COL7A1: variants seen among roughly 807,000 people sequenced by gnomAD.
The protein encoded by COL7A1 is collagen alpha-1(VII) chain.
Under a neutral mutation model 456.2 loss-of-function variants are expected in COL7A1, and 296 were observed. The observed-to-expected ratio is 0.65, with a 90% CI of 0.59 to 0.71. COL7A1 has a LOEUF of 0.71. Ranked by LOEUF, COL7A1 falls within the 30% of genes least tolerant of loss-of-function variation. The pLI, the probability that COL7A1 is intolerant of heterozygous loss-of-function variation, is 0.00. For missense variants in COL7A1, 3,441 were observed against 4,017.2 expected (o/e 0.86, Z 3.88); for synonymous variants, 1,464 against 1,525.9 (o/e 0.96, Z 0.95).
Position 48,566,181 on chromosome 3 carries a change from G to A in COL7A1, c.8407+86C>T. The A allele has an allele frequency of 1.4e-6, 2 of 1,414,084 alleles. No individual in the cohort carries two copies. Among genetic ancestry groups the A allele is most frequent in the Non-Finnish European group, 2.0e-6 (2 of 1,021,762 alleles). The allele number at this position is 1,414,084 out of a possible 1,614,324, so 87.6% of individuals were successfully genotyped here. On this transcript the variant is annotated intron_variant, in intron 114 of 118. Coordinates refer to ENST00000681320, the MANE Select transcript of COL7A1 (RefSeq NM_000094.4). This position sits in a 1 kb window ranked among gnomAD's most constrained non-coding sequence, Gnocchi z 5.9. ...CATCCATCCCCCCATCTTCTTGACT[G>A]CTTGCCCTGTAAGTTCTAGGGGCCT... is the stretch of plus-strand genomic sequence containing the variant.
rs2043911299 is a variant in COL7A1 at position 48,571,428 on chromosome 3, C to G, written c.7069-150G>C. 2.2e-6 allele frequency: 2 copies of G among 903,330 alleles called. No homozygotes were observed. The highest frequency in any genetic ancestry group is 1.6e-5 in the African/African-American group (1 of 60,612). 56.0% of individuals were successfully genotyped at this position (903,330 alleles called of 1,614,324 possible). On this transcript the variant is annotated intron_variant, in intron 92 of 118. Transcript: ENST00000681320. This position sits in a 1 kb window ranked among gnomAD's most constrained non-coding sequence, Gnocchi z 4.6. ...GACCAAGAATTGGCTCACAGGAGCT[C>G]AGACATGACCATGGCCTATCTCAGG...
chr3:48,576,679 G>A lies in COL7A1; in HGVS notation c.5697C>T (p.Gly1899=), dbSNP rs745560737. 14 of 1,604,796 alleles carry A rather than the reference G, an allele frequency of 8.7e-6. No individual in the cohort carries two copies. Among genetic ancestry groups the A allele is most frequent in the Non-Finnish European group, 1.1e-5 (13 of 1,176,142 alleles). Residue 1899 remains glycine (G), a synonymous_variant, in exon 68 of 119, where the codon GGC becomes GGT. Transcript: ENST00000681320. ...PGLPGPVGPP[G]QGFPGVPGGT... ...CAGAATGACCCAGGACACTCACCTG[G>A]CCAGGAGGGCCCACTGGCCCTGGGA...
In COL7A1 at chr3:48,567,356, C is replaced by A; in HGVS notation, c.8047-166G>T. On this transcript the variant is annotated intron_variant, in intron 109 of 118. Transcript: ENST00000681320. This position sits in a 1 kb window ranked among gnomAD's most constrained non-coding sequence, Gnocchi z 4.3. ...CCATGACTCCAACTCCACTATAGCCCCCTGCCCTGATGCACATGCCCCCTC... is the reference window on the plus strand; with the variant it reads ...CCATGACTCCAACTCCACTATAGCCACCTGCCCTGATGCACATGCCCCCTC... The A allele has an allele frequency of 1.0e-6, 1 of 969,512 alleles. No homozygotes were observed. Among genetic ancestry groups the A allele is most frequent in the Non-Finnish European group, 1.6e-6 (1 of 628,462 alleles). The allele number at this position is 969,512 out of a possible 1,614,324, so 60.1% of individuals were successfully genotyped here. A position where few individuals can be genotyped will look rare whatever the true frequency, so the allele number is the denominator to read the frequency against.
rs1451465890 is a variant in COL7A1, at chr3:48,578,704, A to AC, written c.5425-190dup. Among the ~76,000 whole-genome samples, 8 of 152,192 alleles carry AC rather than the reference A, an allele frequency of 5.3e-5. No individual in the cohort carries two copies. The highest frequency in any genetic ancestry group is 1.2e-4 in the Non-Finnish European group (8 of 67,980). The stretch of plus-strand genomic sequence containing the variant: ...CCCTGCTGAGACTCCCAAGGGAAGA[A>AC]CCCCCAGGACTTGGAGGGCCTATGA... On this transcript the variant is annotated intron_variant, in intron 63 of 118. Coordinates refer to ENST00000681320, the MANE Select transcript of COL7A1 (RefSeq NM_000094.4). This position sits in a 1 kb window ranked among gnomAD's most constrained non-coding sequence, Gnocchi z 4.7.
At position 48,588,335 on chromosome 3, in the gene COL7A1, C is replaced by T. The variant is rs200424564; in HGVS notation, c.2657G>A (p.Arg886His). Residue 886 changes from arginine to histidine, a missense_variant, in exon 21 of 119, where the codon CGC becomes CAC. Arg to His is a conservative substitution (Grantham distance 29). This residue lies in a region of COL7A1 where 444 missense variants were observed against 427.6 expected (regional missense o/e 1.04). Coordinates refer to ENST00000681320, the MANE Select transcript of COL7A1 (RefSeq NM_000094.4). The surrounding 1 kb of genome is among the most constrained non-coding windows in gnomAD (Gnocchi z 4.6). ...CTGCGCTCTGGGCACCGGCTCCCAG[C>T]GCAGCCTCAGCGAGTGCTCCCCGCG... ...VQRGEHSLRL[R>H]WEPVPRAQGF... The T allele has an allele frequency of 4.2e-5, 67 of 1,612,826 alleles. No homozygotes were observed. The East Asian group carries it at 1.0e-3, about 25-fold the overall frequency.
chr3:48,591,546 C>T lies in COL7A1; in HGVS notation c.1554G>A (p.Glu518=). 6.2e-7 allele frequency: 1 copy of T among 1,613,906 alleles called. No individual in the cohort carries two copies. Among genetic ancestry groups the T allele is most frequent in the Non-Finnish European group, 8.5e-7 (1 of 1,179,994 alleles). Residue 518 remains glutamate (E), a synonymous_variant, in exon 13 of 119, where the codon GAG becomes GAA. Transcript: ENST00000681320. This position sits in a 1 kb window ranked among gnomAD's most constrained non-coding sequence, Gnocchi z 7.0. ...VSPVTDLQAT[E]LPGQRVRVSW... is the part of the protein sequence containing the mutation. ...ACACTCGCACCCGCTGCCCGGGCAG[C>T]TCGGTGGCTTGCAGGTCTGTTACAG...
rs2045893057 is a variant in COL7A1, at chr3:48,593,986, G to A, written c.267-290C>T. ...TTAATTAAATAATTGCAGGAGGAGG[G>A]GTCCAGATGTAGGAAAGTGGATGCT... On this transcript the variant is annotated intron_variant, in intron 3 of 118. Transcript: ENST00000681320. The surrounding 1 kb of genome is among the most constrained non-coding windows in gnomAD (Gnocchi z 4.4). 6.6e-6 allele frequency among the ~76,000 whole-genome samples: 1 copy of A among 152,214 alleles called. No homozygotes were observed. The highest frequency in any genetic ancestry group is 2.4e-5 in the African/African-American group (1 of 41,450).
In COL7A1 at chr3:48,584,571, A is replaced by T. The variant is rs367995901; in HGVS notation, c.4048-15T>A. On this transcript the variant is annotated splice_polypyrimidine_tract_variant and intron_variant, in intron 35 of 118. Coordinates refer to ENST00000681320, the MANE Select transcript of COL7A1 (RefSeq NM_000094.4). ...CCGGGAGCCCCCTGTAAGGACAGAG[A>T]GCAGTGGGCAGGATTCAGGCTATGG... 158 of 1,614,008 alleles carry T rather than the reference A, an allele frequency of 9.8e-5. 1 individual carries two copies. In the South Asian group the frequency reaches 1.5e-3, roughly 16 times the overall value.
At position 48,564,630 on chromosome 3, in the gene COL7A1, C is replaced by A; in HGVS notation, c.8818+153G>T. The A allele has an allele frequency of 9.4e-7, 1 of 1,065,106 alleles. No individual in the cohort carries two copies. The allele number at this position is 1,065,106 out of a possible 1,614,324, so 66.0% of individuals were successfully genotyped here. A position where few individuals can be genotyped will look rare whatever the true frequency, so the allele number is the denominator to read the frequency against. On this transcript the variant is annotated intron_variant, in intron 118 of 118. Transcript: ENST00000681320. This position sits in a 1 kb window ranked among gnomAD's most constrained non-coding sequence, Gnocchi z 6.0. ...CACGGCTGGGGCTCTATATTCAGCTCTTTGGTCTGGGCGTCTGCCCCAGGT... is the reference window on the plus strand; with the variant it reads ...CACGGCTGGGGCTCTATATTCAGCTATTTGGTCTGGGCGTCTGCCCCAGGT...
In COL7A1 at chr3:48,564,845, A is replaced by G. The variant is rs1177760993; in HGVS notation, c.8756T>C (p.Phe2919Ser). The change falls in exon 118 of 119, where the codon TTT becomes TCT. Residue 2919 changes from phenylalanine to serine, a missense_variant. Around this residue, in one of 3 missense-constraint regions of COL7A1, gnomAD observed 2,084 missense variants for 2,501.3 expected, o/e 0.83. Coordinates refer to ENST00000681320, the MANE Select transcript of COL7A1 (RefSeq NM_000094.4). This position sits in a 1 kb window ranked among gnomAD's most constrained non-coding sequence, Gnocchi z 6.0. ...YGGCGGNANR[F>S]GTREACERRC... ...GCGCTCGCAGGCCTCACGGGTCCCAAAACGGTTGGCATTCCCTCCACAGCC... is the reference window on the plus strand; with the variant it reads ...GCGCTCGCAGGCCTCACGGGTCCCAGAACGGTTGGCATTCCCTCCACAGCC... 2 of 1,614,052 alleles carry G rather than the reference A, an allele frequency of 1.2e-6. No individual in the cohort carries two copies. Among genetic ancestry groups the G allele is most frequent in the Non-Finnish European group, 1.7e-6 (2 of 1,179,996 alleles).
At position 48,587,971 on chromosome 3, in the gene COL7A1, C is replaced by T. The variant is rs1559424983; in HGVS notation, c.2711-32G>A. ...CAGGCGTGAGGGTGGGGGCCAAGAG[C>T]ATGTGGGATAGTGACACCTGGGGGC... On this transcript the variant is annotated intron_variant, in intron 21 of 118. Coordinates refer to ENST00000681320, the MANE Select transcript of COL7A1 (RefSeq NM_000094.4). The surrounding 1 kb of genome is among the most constrained non-coding windows in gnomAD (Gnocchi z 6.1). The T allele has an allele frequency of 1.9e-6, 3 of 1,560,848 alleles. No individual in the cohort carries two copies. The highest frequency in any genetic ancestry group is 1.9e-4 in the Middle Eastern group (1 of 5,258).
chr3:48,595,255 G>T lies in COL7A1; in HGVS notation c.-2+13C>A. The T allele has an allele frequency of 9.5e-7, 1 of 1,047,872 alleles. No individual in the cohort carries two copies. Among genetic ancestry groups the T allele is most frequent in the Non-Finnish European group, 1.4e-6 (1 of 697,534 alleles). The allele number at this position is 1,047,872 out of a possible 1,614,324, so 64.9% of individuals were successfully genotyped here. On this transcript the variant is annotated intron_variant, in intron 1 of 118. Transcript: ENST00000681320. Reference sequence around the variant, plus strand: ...CGAGCCCAGCGCCCCTCCAGCCCGAGTCCTGGTCTTGCCTGCGCGTCCGCC... The same window carrying T: ...CGAGCCCAGCGCCCCTCCAGCCCGATTCCTGGTCTTGCCTGCGCGTCCGCC...
rs756803935 is a variant in COL7A1 at position 48,573,296 on chromosome 3, C to T, written c.6651+20G>A. 6.2e-7 allele frequency: 1 copy of T among 1,614,036 alleles called. No individual in the cohort carries two copies. The highest frequency in any genetic ancestry group is 8.5e-7 in the Non-Finnish European group (1 of 1,180,020). ...CCACCCATCTCCCTATGACCCTAAC[C>T]TGTGAGCTAGGCCACTCACCCGTCC... On this transcript the variant is annotated intron_variant, in intron 84 of 118. Coordinates refer to ENST00000681320, the MANE Select transcript of COL7A1 (RefSeq NM_000094.4). This position sits in a 1 kb window ranked among gnomAD's most constrained non-coding sequence, Gnocchi z 5.5.
At position 48,583,844 on chromosome 3, in the gene COL7A1, C is replaced by A; in HGVS notation, c.4278+56G>T. ...GAAGCCCAGCACCCAACCACTGCCC[C>A]AGGAGAGACCCACACCCCTGAGCAG... is the stretch of plus-strand genomic sequence containing the variant. On this transcript the variant is annotated intron_variant, in intron 39 of 118. Coordinates refer to ENST00000681320, the MANE Select transcript of COL7A1 (RefSeq NM_000094.4). This position sits in a 1 kb window ranked among gnomAD's most constrained non-coding sequence, Gnocchi z 5.1. 1 of 1,613,586 alleles carries A rather than the reference C, an allele frequency of 6.2e-7. No homozygotes were observed.
Position 48,590,679 on chromosome 3 carries a change from G to A in COL7A1, c.1774C>T (p.Arg592Cys), listed in dbSNP as rs147470888. 1.7e-5 allele frequency: 27 copies of A among 1,613,868 alleles called. No individual in the cohort carries two copies. The highest frequency in any genetic ancestry group is 1.6e-4 in the Middle Eastern group (1 of 6,084). ...REGSASVLTV[R>C]REPETPLAVP... ...AGCCTCCTGCAGTACTCACCCCGGC[G>A]GACAGTGAGGACACTGGCACTGCCC... The change falls in exon 14 of 119, where the codon CGC (arginine) becomes TGC (cysteine). Residue 592 changes from arginine (R) to cysteine (C), a missense_variant. By Grantham distance (180) the Arg-to-Cys change is radical (BLOSUM62 -3). Around this residue, in one of 3 missense-constraint regions of COL7A1, gnomAD observed 913 missense variants for 1,088.2 expected, o/e 0.84. Coordinates refer to ENST00000681320, the MANE Select transcript of COL7A1 (RefSeq NM_000094.4). This position sits in a 1 kb window ranked among gnomAD's most constrained non-coding sequence, Gnocchi z 4.6.
In COL7A1 at chr3:48,566,613, C is replaced by T. The variant is rs1172811352; in HGVS notation, c.8304+47G>A. 8.1e-6 allele frequency: 13 copies of T among 1,614,062 alleles called. No individual in the cohort carries two copies. The highest frequency in any genetic ancestry group is 1.1e-5 in the Non-Finnish European group (13 of 1,180,014). On this transcript the variant is annotated intron_variant, in intron 112 of 118. Coordinates refer to ENST00000681320, the MANE Select transcript of COL7A1 (RefSeq NM_000094.4). This position sits in a 1 kb window ranked among gnomAD's most constrained non-coding sequence, Gnocchi z 5.9. ...CTGTGACCTCTGACCTCAGGGACAA[C>T]AGAAGTCACCCCGATCTCTGACCCA...
In COL7A1 at chr3:48,585,954, C is replaced by T; in HGVS notation, c.3745G>A (p.Val1249Met). ...TTQPRPEPCPVYCPKGQKGEP... is the reference protein window; with the variant it reads ...TTQPRPEPCPMYCPKGQKGEP... ...GGGACTCTTACCTTTGGACAATACA[C>T]TGGGCAGGGCTCTGGCCGGGGCTGC... The change falls in exon 29 of 119, where the codon GTG becomes ATG. Residue 1249 changes from valine (V) to methionine (M), a missense_variant. By Grantham distance (21) the Val-to-Met change is conservative (BLOSUM62 1). Transcript: ENST00000681320. The surrounding 1 kb of genome is among the most constrained non-coding windows in gnomAD (Gnocchi z 4.5). The T allele has an allele frequency of 1.2e-6, 2 of 1,614,088 alleles. No homozygotes were observed. The highest frequency in any genetic ancestry group is 1.7e-6 in the Non-Finnish European group (2 of 1,180,024).
chr3:48,595,096 G>A lies in COL7A1; in HGVS notation c.64C>T (p.Arg22Ter), dbSNP rs1559444829. The A allele has an allele frequency of 1.9e-6, 3 of 1,552,404 alleles. No homozygotes were observed. Among genetic ancestry groups the A allele is most frequent in the Admixed American group, 1.9e-5 (1 of 51,536 alleles). Residue 22 changes from arginine to a stop codon, truncating the protein, a stop_gained, in exon 2 of 119, where the codon CGA (arginine) becomes TGA (stop). Transcript: ENST00000681320. LOFTEE classifies it high-confidence loss of function. ...AGILAEAPRVRAQHRERVTCT... is the reference protein window; with the variant it reads ...AGILAEAPRV The stretch of plus-strand genomic sequence containing the variant: ...CCACCTCTCTCCCTGTGCTGGGCTC[G>A]CACTCGGGGCGCCTCTGCCAGGATC...
Position 48,588,244 on chromosome 3 carries a change from C to G in COL7A1, c.2710+38G>C, listed in dbSNP as rs1222506875. 1.9e-6 allele frequency: 3 copies of G among 1,612,812 alleles called. No homozygotes were observed. The highest frequency in any genetic ancestry group is 1.7e-6 in the Non-Finnish European group (2 of 1,179,998). ...TGCGGAGTCTGCCACAGCCCTGCCC[C>G]CAATGGTCCCTAACTTCCTCCTGGG... On this transcript the variant is annotated intron_variant, in intron 21 of 118. Transcript: ENST00000681320. This position sits in a 1 kb window ranked among gnomAD's most constrained non-coding sequence, Gnocchi z 4.6.
Sources: allele counts gnomAD v4.1 joint callset (sites outside exome capture counted in the v4.1 genomes callset), GRCh38; gene constraint gnomAD v4.1.1; regional missense constraint gnomAD v4.1.1; non-coding constraint Gnocchi (gnomAD v3.1); transcripts MANE v1.5; gene names NCBI Gene and HGNC (gene_info 2026-07-23, HGNC 2026-07-21).